The following HSPA4L variants were observed in gnomAD, a reference collection of about 807,000 sequenced individuals.
HSPA4L encodes heat shock protein family A (Hsp70) member 4 like.
Under a neutral mutation model 100.3 loss-of-function variants are expected in HSPA4L, and 48 were observed. The ratio of observed to expected loss-of-function variants is 0.48; its 90% CI spans 0.38 to 0.61. HSPA4L has a LOEUF of 0.61. HSPA4L is among the 20% of genes least tolerant of loss of function. HSPA4L has a pLI of 0.00. For synonymous variants in HSPA4L, 319 were observed against 328.2 expected (o/e 0.97, Z 0.30); for missense variants, 886 against 988.6 (o/e 0.90, Z 1.39).
Position 127,833,021 on chromosome 4 carries a change from T to G in HSPA4L, c.*147T>G. 3.7e-6 allele frequency: 2 copies of G among 538,216 alleles called. No homozygotes were observed. The highest frequency in any genetic ancestry group is 6.0e-5 in the East Asian group (2 of 33,296). 33.3% of individuals were successfully genotyped at this position (538,216 alleles called of 1,614,324 possible). On this transcript the variant is annotated 3_prime_UTR_variant, in exon 19 of 19. Coordinates refer to ENST00000296464, the MANE Select transcript of HSPA4L (RefSeq NM_014278.4). ...GAGTAGTTTTGAAAAGTGTTTTATA[T>G]TGAGTGCACTTCTGTTCATTTCCAT...
rs1355271173 is a variant in HSPA4L at position 127,839,122 on chromosome 4, A to G, written c.*6248A>G. The G allele has an allele frequency of 6.6e-6, 1 of 152,256 alleles. No individual in the cohort carries two copies. The highest frequency in any genetic ancestry group is 1.5e-5 in the Non-Finnish European group (1 of 68,044). The allele number at this position is 152,256 out of a possible 1,614,324, so 9.4% of individuals were successfully genotyped here. A position where few individuals can be genotyped will look rare whatever the true frequency, so the allele number is the denominator to read the frequency against. On this transcript the variant is annotated 3_prime_UTR_variant, in exon 19 of 19. Transcript: ENST00000296464. ...TTTGACAGAATAACAAGGGTCAGAA[A>G]TTCAAAATAGCTGTTAGACACCTTT...
intron 1 of HSPA4L, among the ~76,000 whole-genome samples, chr4:127,790,803 AG>A (rs1441485786): frequency 2.0e-5 from 3 of 152,230 alleles, no homozygotes; most frequent in Admixed American, 1.3e-4. Context: ...GTCCAATAAA[AG>A]CATATGAGCT....
chr4:127,811,405 C>G, intron 11 of HSPA4L, 32 bp from the exon 12 acceptor site: 1 of 1,514,002 alleles, frequency 6.6e-7, no homozygotes, highest in Non-Finnish European at 9.2e-7. Flanking sequence ...ATCTGAGGCT[C>G]ACATACTGAT....
At position 127,801,852 on chromosome 4, in the gene HSPA4L, A is replaced by C. The variant is rs764406167; in HGVS notation, c.597A>C (p.Val199=). 2 of 1,610,528 alleles carry C rather than the reference A, an allele frequency of 1.2e-6. No homozygotes were observed. Among genetic ancestry groups the C allele is most frequent in the Non-Finnish European group, 1.7e-6 (2 of 1,177,836 alleles). Residue 199 remains valine, a synonymous_variant, in exon 6 of 19, where the codon GTA becomes GTC. Transcript: ENST00000296464. Reference sequence around the variant, plus strand: ...TAGATGAGAAACCAAGAAATGTAGTATTTATTGATATGGGACATTCTGCCT... The same window carrying C: ...TAGATGAGAAACCAAGAAATGTAGTCTTTATTGATATGGGACATTCTGCCT... The part of the protein sequence containing the change: ...PPLDEKPRNV[V]FIDMGHSAYQ...
At chr4:127,797,480 G>T (rs1321068999) in intron 3 of HSPA4L, among the ~76,000 whole-genome samples, 2 of 151,788 alleles carry the variant, frequency 1.3e-5, no homozygotes, top group Non-Finnish European at 2.9e-5. Context: ...TAAGCTAGTA[G>T]AAAAAGCTTT....
intron 1 of HSPA4L, among the ~76,000 whole-genome samples, chr4:127,783,910 A>C (rs904104358): frequency 2.0e-5 from 3 of 152,212 alleles, no homozygotes; most frequent in Admixed American, 2.0e-4. Context: ...TCGTAGATGT[A>C]CACGTTTCTT....
At position 127,805,683 on chromosome 4, in the gene HSPA4L, T is replaced by G. The variant is rs1307280522; in HGVS notation, c.1138-4T>G. 6.2e-7 allele frequency: 1 copy of G among 1,603,190 alleles called. No individual in the cohort carries two copies. Among genetic ancestry groups the G allele is most frequent in the Non-Finnish European group, 8.5e-7 (1 of 1,171,024 alleles). On this transcript the variant is annotated splice_region_variant and splice_polypyrimidine_tract_variant and intron_variant, in intron 9 of 18. Transcript: ENST00000296464. Reference sequence around the variant, plus strand: ...TTTAAATATGGTATACATCTTATTTTCAGTGTGCGATTCTCTCACCAGCAT... The same window carrying G: ...TTTAAATATGGTATACATCTTATTTGCAGTGTGCGATTCTCTCACCAGCAT...
intron 12 of HSPA4L, chr4:127,813,356 G>T: frequency 3.4e-6 from 2 of 593,500 alleles, no homozygotes; most frequent in Non-Finnish European, 5.9e-6. Context: ...TCAACCACTA[G>T]ACTTTAAACT....
intron 3 of HSPA4L, among the ~76,000 whole-genome samples, chr4:127,798,218 G>A (rs979493021): frequency 1.3e-5 from 2 of 152,058 alleles, no homozygotes; most frequent in Admixed American, 6.6e-5. Context: ...TAAACCCAGG[G>A]AGAGTTCTGA....
chr4:127,809,171 T>G, intron 11 of HSPA4L: 1 of 923,792 alleles, frequency 1.1e-6, no homozygotes. Context: ...AATAGGAAAA[T>G]TGCATCAAAC....
intron 4 of HSPA4L, among the ~76,000 whole-genome samples, chr4:127,799,294 ATAGGCATTTGGAATTTTT>A (rs1560655444): frequency 6.6e-6 from 1 of 152,056 alleles, no homozygotes; most frequent in Non-Finnish European, 1.5e-5. Context: ...ATTTTTTTTC[ATAGGCATTTGGAATTTTT>A]TTAATGGGAG....
In HSPA4L at chr4:127,836,925, TTTTAAAAGTTTACA is replaced by T. The variant is rs1286616236; in HGVS notation, c.*4052_*4065del. The T allele has an allele frequency of 2.0e-5, 3 of 152,150 alleles. No homozygotes were observed. The highest frequency in any genetic ancestry group is 2.9e-5 in the Non-Finnish European group (2 of 68,032). The allele number at this position is 152,150 out of a possible 1,614,324, so 9.4% of individuals were successfully genotyped here. ...ATTGGTAAAATATAACTTTCTCAGT[TTTTAAAAGTTTACA>T]AAATTTTTTTTTTTGTTTTGAGACA... is the stretch of plus-strand genomic sequence containing the variant. On this transcript the variant is annotated 3_prime_UTR_variant, in exon 19 of 19. Coordinates refer to ENST00000296464, the MANE Select transcript of HSPA4L (RefSeq NM_014278.4).
chr4:127,805,627 A>C, intron 9 of HSPA4L, 60 bp from the exon 10 acceptor site: 1 of 1,266,862 alleles, frequency 7.9e-7, no homozygotes, highest in Non-Finnish European at 1.1e-6. Context: ...GTTCAATCAG[A>C]GTAACCTAGG....
At chr4:127,791,011 G>A (rs1732859582) in intron 1 of HSPA4L, among the ~76,000 whole-genome samples, 1 of 151,980 alleles carries the variant, frequency 6.6e-6, no homozygotes, top group South Asian at 2.1e-4. Context: ...TGAGATAGGA[G>A]GATCGCTTGA....
rs1283540051 is a variant in HSPA4L, at chr4:127,836,165, A to C, written c.*3291A>C. Reference sequence around the variant, plus strand: ...GGCAGATCACGAGGTCAGGAGATCAAGACCATCCTGGCTAACACGGTGAAA... The same window carrying C: ...GGCAGATCACGAGGTCAGGAGATCACGACCATCCTGGCTAACACGGTGAAA... On this transcript the variant is annotated 3_prime_UTR_variant, in exon 19 of 19. Transcript: ENST00000296464. 1.3e-5 allele frequency: 2 copies of C among 152,590 alleles called. No individual in the cohort carries two copies. Among genetic ancestry groups the C allele is most frequent in the Admixed American group, 6.5e-5 (1 of 15,286 alleles). 9.5% of individuals were successfully genotyped at this position (152,590 alleles called of 1,614,324 possible).
At chr4:127,804,144 G>A in intron 8 of HSPA4L, 57 bp downstream of exon 8, 6 of 1,291,998 alleles carry the variant, frequency 4.6e-6, no homozygotes, top group Non-Finnish European at 6.6e-6. Context: ...TACTTAGCGG[G>A]GGTAGATAAT....
At chr4:127,810,369 C>T (rs1733490335) in intron 11 of HSPA4L, among the ~76,000 whole-genome samples, 1 of 152,090 alleles carries the variant, frequency 6.6e-6, no homozygotes, top group Admixed American at 6.5e-5. Context: ...TTTGCTAGGG[C>T]TGCTATAACA....
rs115328367 is a variant in HSPA4L at position 127,821,991 on chromosome 4, T to C, written c.1813-778T>C. On this transcript the variant is annotated intron_variant, in intron 14 of 18. Coordinates refer to ENST00000296464, the MANE Select transcript of HSPA4L (RefSeq NM_014278.4). Reference sequence around the variant, plus strand: ...AAATTTACATATCATAATTAACCCATTTAAAGTATCCAGTGGTTTTCGGTA... The same window carrying C: ...AAATTTACATATCATAATTAACCCACTTAAAGTATCCAGTGGTTTTCGGTA... Among the ~76,000 whole-genome samples, 1,339 of 152,256 alleles carry C rather than the reference T, an allele frequency of 8.8e-3. 23 individuals are homozygous for C. Among genetic ancestry groups the C allele is most frequent in the African/African-American group, 0.03 (1,249 of 41,554 alleles).
At chr4:127,808,790 G>T (rs1733435165) in intron 11 of HSPA4L, among the ~76,000 whole-genome samples, 1 of 152,054 alleles carries the variant, frequency 6.6e-6, no homozygotes, top group South Asian at 2.1e-4. Flanking sequence ...GGGTGTGGTG[G>T]CACACACTTG....
Sources: allele counts gnomAD v4.1 joint callset (sites outside exome capture counted in the v4.1 genomes callset), GRCh38; gene constraint gnomAD v4.1.1; transcripts MANE v1.5; gene names NCBI Gene and HGNC (gene_info 2026-07-23, HGNC 2026-07-21).